Variants in ABCC4 observed in about 807,000 individuals in gnomAD.
ABCC4 encodes ATP-binding cassette sub-family C member 4.
A neutral mutation model predicts 168.5 loss-of-function variants in ABCC4; 102 were observed. That is an observed-to-expected ratio of 0.61 (90% CI 0.52 to 0.71). The LOEUF (loss-of-function observed/expected upper bound fraction) is 0.71, where lower values mean the gene tolerates loss of function less well. Among genes scored for constraint, ABCC4 ranks in the 30% least tolerant of loss-of-function variants. The pLI is 0.00. For missense variants in ABCC4, 1,402 were observed against 1,605.8 expected (o/e 0.87, Z 2.17); for synonymous variants, 617 against 590.7 (o/e 1.04, Z -0.65).
At chr13:95,130,663 A>C (rs963148024) in intron 19 of ABCC4, among the ~76,000 whole-genome samples, 2 of 152,160 alleles carry the variant, frequency 1.3e-5, no homozygotes, top group Admixed American at 1.3e-4. Flanking sequence ...ATTGTAACCC[A>C]ATCGTCAAAT....
intron 27 of ABCC4, among the ~76,000 whole-genome samples, chr13:95,052,858 C>G (rs1594013491): frequency 6.6e-6 from 1 of 152,226 alleles, no homozygotes; most frequent in South Asian, 2.1e-4. Flanking sequence ...TAAAACAACA[C>G]CAAACTGTTT....
At chr13:95,219,173 G>A (rs2039241136) in intron 4 of ABCC4, among the ~76,000 whole-genome samples, 2 of 152,162 alleles carry the variant, frequency 1.3e-5, no homozygotes, top group South Asian at 4.2e-4. Context: ...AGAGTAATCT[G>A]TTCAAAGGGG....
At chr13:95,024,862 G>A (rs1414955187) in intron 30 of ABCC4, among the ~76,000 whole-genome samples, 1 of 151,988 alleles carries the variant, frequency 6.6e-6, no homozygotes, top group East Asian at 1.9e-4. Flanking sequence ...TAAAAAATAA[G>A]CTAAATCTTT....
In ABCC4 at chr13:95,215,959, A is replaced by G. The variant is rs542596073; in HGVS notation, c.532-5178T>C. 8.5e-5 allele frequency among the ~76,000 whole-genome samples: 13 copies of G among 152,306 alleles called. No individual in the cohort carries two copies. In the South Asian group the frequency reaches 2.5e-3, roughly 29 times the overall value. The stretch of plus-strand genomic sequence containing the variant: ...ACAAAACACTGCTCACATCCTCAGA[A>G]GTACAATTAGTGTAATCATATATCT... On this transcript the variant is annotated intron_variant, in intron 4 of 30. Coordinates refer to ENST00000645237, the MANE Select transcript of ABCC4 (RefSeq NM_005845.5).
rs556186590 is a variant in ABCC4 at position 95,235,207 on chromosome 13, CA to C, written c.307-374del. On this transcript the variant is annotated intron_variant, in intron 3 of 30. Transcript: ENST00000645237. Reference sequence around the variant, plus strand: ...CACCTAGGCTCGTTTTTTCTTAACACAAGTTTTATATTTTCAAAGTGCAACA... The same window carrying C: ...CACCTAGGCTCGTTTTTTCTTAACACAGTTTTATATTTTCAAAGTGCAACA... Among the ~76,000 whole-genome samples the C allele has an allele frequency of 1.8e-3, 279 of 152,190 alleles. 2 individuals are homozygous for C. Among genetic ancestry groups the C allele is most frequent in the Middle Eastern group, 0.01 (3 of 294 alleles).
At chr13:95,091,127 C>G (rs191763409) in intron 20 of ABCC4, among the ~76,000 whole-genome samples, 1 of 152,102 alleles carries the variant, frequency 6.6e-6, no homozygotes, top group East Asian at 1.9e-4. Flanking sequence ...ATGAACAAAA[C>G]CTCCAAGAAG....
intron 29 of ABCC4, among the ~76,000 whole-genome samples, chr13:95,035,520 T>G (rs948689732): frequency 2.0e-5 from 3 of 152,224 alleles, no homozygotes; most frequent in Admixed American, 6.5e-5. Flanking sequence ...ACAGCCCACA[T>G]GGCACACGGG....
intron 4 of ABCC4, among the ~76,000 whole-genome samples, chr13:95,233,176 T>C: frequency 6.6e-6 from 1 of 152,272 alleles, no homozygotes; most frequent in East Asian, 1.9e-4. Context: ...CAATGTGCAA[T>C]TAAATAATGT....
chr13:95,262,531 G>C (rs888894849), intron 1 of ABCC4, among the ~76,000 whole-genome samples: 1 of 152,140 alleles, frequency 6.6e-6, no homozygotes, highest in Admixed American at 6.5e-5. Flanking sequence ...CAGTCCTCCA[G>C]GTGTCTTGCA....
chr13:95,134,530 G>A (rs2036077576), intron 19 of ABCC4, among the ~76,000 whole-genome samples: 1 of 152,098 alleles, frequency 6.6e-6, no homozygotes, highest in Admixed American at 6.6e-5. Flanking sequence ...AGATCAGCCT[G>A]GACAACAGGG....
At chr13:95,225,140 G>GTCTC (rs140436228) in intron 4 of ABCC4, among the ~76,000 whole-genome samples, 50 of 70,008 alleles carry the variant, frequency 7.1e-4, no homozygotes, top group African/African-American at 1.9e-3. Context: ...CTGTCTGTCT[G>GTCTC]TCTCTCTCTC....
chr13:95,057,401 G>A (rs952408141), intron 26 of ABCC4, among the ~76,000 whole-genome samples: 41 of 152,026 alleles, frequency 2.7e-4, no homozygotes, highest in Admixed American at 1.5e-3. Flanking sequence ...CACCACGTCC[G>A]GCTAATTTTT....
chr13:95,198,949 G>A (rs997855551), intron 8 of ABCC4, among the ~76,000 whole-genome samples: 8 of 151,890 alleles, frequency 5.3e-5, no homozygotes, highest in African/African-American at 1.9e-4. Flanking sequence ...CACACACCAG[G>A]GCCTGTCAGA....
chr13:95,186,719 C>A lies in ABCC4; in HGVS notation c.1527G>T (p.Lys509Asn). 1.9e-6 allele frequency: 3 copies of A among 1,613,840 alleles called. No individual in the cohort carries two copies. Among genetic ancestry groups the A allele is most frequent in the Non-Finnish European group, 2.5e-6 (3 of 1,179,888 alleles). Residue 509 changes from lysine (K) to asparagine (N), a missense_variant, in exon 11 of 31, where the codon AAG (lysine) becomes AAT (asparagine). Lys to Asn is a moderately conservative substitution (Grantham distance 94). Transcript: ENST00000645237. ...YEKERYEKVIKACALKKDLQL... is the reference protein window; with the variant it reads ...YEKERYEKVINACALKKDLQL... ...CACTCACCTTTTTCAGAGCACAAGC[C>A]TTTATGACTTTTTCATATCGTTCCT...
At chr13:95,237,699 G>C (rs2039812718) in intron 3 of ABCC4, among the ~76,000 whole-genome samples, 1 of 152,072 alleles carries the variant, frequency 6.6e-6, no homozygotes, top group African/African-American at 2.4e-5. Context: ...TACATGTCTA[G>C]GCCCAGCGGG....
At chr13:95,049,677 A>AT (rs1355252680) in intron 27 of ABCC4, among the ~76,000 whole-genome samples, 1 of 151,882 alleles carries the variant, frequency 6.6e-6, no homozygotes, top group Non-Finnish European at 1.5e-5. Flanking sequence ...AAATAAATAA[A>AT]AAAATAACCA....
chr13:95,168,811 G>A (rs193279195), intron 14 of ABCC4, among the ~76,000 whole-genome samples: 44 of 152,260 alleles, frequency 2.9e-4, no homozygotes, highest in Admixed American at 6.5e-4. Context: ...CCCCGGCCAC[G>A]CTAGCTCTTA....
chr13:95,206,809 A>G, intron 7 of ABCC4, 28 bp from the exon 8 acceptor site: 2 of 1,610,806 alleles, frequency 1.2e-6, no homozygotes, highest in East Asian at 4.5e-5. Flanking sequence ...TTTTTAAAAA[A>G]GCAGTGATGT....
intron 19 of ABCC4, among the ~76,000 whole-genome samples, chr13:95,129,236 A>C (rs2035881165): frequency 6.6e-6 from 1 of 152,270 alleles, no homozygotes; most frequent in Non-Finnish European, 1.5e-5. Context: ...CGTAATTATT[A>C]AAATATTATT....
Sources: allele counts gnomAD v4.1 joint callset (sites outside exome capture counted in the v4.1 genomes callset), GRCh38; gene constraint gnomAD v4.1.1; transcripts MANE v1.5; gene names NCBI Gene and HGNC (gene_info 2026-07-23, HGNC 2026-07-21).